GPLD1: variants seen among roughly 807,000 people sequenced by gnomAD.
GPLD1 encodes phosphatidylinositol-glycan-specific phospholipase D.
Under a neutral mutation model 112.6 loss-of-function variants are expected in GPLD1, and 84 were observed. The observed-to-expected ratio is 0.75, with a 90% CI of 0.63 to 0.89. The LOEUF (loss-of-function observed/expected upper bound fraction) is 0.89, where lower values mean the gene tolerates loss of function less well. Ranked by LOEUF, GPLD1 falls within the 40% of genes least tolerant of loss-of-function variation. GPLD1 has a pLI of 0.00. For synonymous variants in GPLD1, 386 were observed against 403.8 expected (o/e 0.96, Z 0.53); for missense variants, 1,044 against 1,051.5 (o/e 0.99, Z 0.10).
At chr6:24,482,181 C>A (rs1185308021) in intron 2 of GPLD1, among the ~76,000 whole-genome samples, 1 of 145,978 alleles carries the variant, frequency 6.9e-6, no homozygotes, top group East Asian at 2.0e-4. Flanking sequence ...CTCACTGTAA[C>A]CTCTGCCTTC....
chr6:24,476,985 A>G (rs183695179), intron 3 of GPLD1, among the ~76,000 whole-genome samples: 1 of 152,212 alleles, frequency 6.6e-6, no homozygotes, highest in Non-Finnish European at 1.5e-5. Flanking sequence ...TGCCGTTCCT[A>G]AAGTAAAAAT....
At position 24,447,957 on chromosome 6, in the gene GPLD1, C is replaced by G; in HGVS notation, c.1598G>C (p.Gly533Ala). ...CCCTCCACCTGGTGCAAAAGGGGAG[C>G]CGATGACCAGATCGGGTTCACTGTC... is the stretch of plus-strand genomic sequence containing the variant. ...NGDSEPDLVI[G>A]SPFAPGGGKQ... The change falls in exon 17 of 25, where the codon GGC becomes GCC. Residue 533 changes from glycine (G) to alanine (A), a missense_variant. Transcript: ENST00000230036. 1.2e-6 allele frequency: 2 copies of G among 1,613,748 alleles called. No individual in the cohort carries two copies. The highest frequency in any genetic ancestry group is 1.7e-6 in the Non-Finnish European group (2 of 1,179,978).
At position 24,426,346 on chromosome 6, in the gene GPLD1, G is replaced by A. The variant is rs12210975; in HGVS notation, c.*2686C>T. Among the ~76,000 whole-genome samples the A allele has an allele frequency of 0.047, 7,083 of 152,234 alleles. 223 individuals carry two copies. Among genetic ancestry groups the A allele is most frequent in the Non-Finnish European group, 0.072 (4,917 of 67,990 alleles). ...ATGTATCAGGATAATATATTAGACT[G>A]TCATGCATTAATTTTTTCCTGTATG... On this transcript the variant is annotated 3_prime_UTR_variant, in exon 25 of 25. Coordinates refer to ENST00000230036, the MANE Select transcript of GPLD1 (RefSeq NM_001503.4).
intron 1 of GPLD1, among the ~76,000 whole-genome samples, chr6:24,486,983 C>T (rs1024171443): frequency 3.3e-5 from 5 of 152,132 alleles, no homozygotes; most frequent in African/African-American, 9.7e-5. Flanking sequence ...CTACCAACTA[C>T]ACCCCACACC....
intron 13 of GPLD1, among the ~76,000 whole-genome samples, chr6:24,455,506 GT>G (rs1363762331): frequency 2.0e-5 from 3 of 152,092 alleles, no homozygotes; most frequent in Non-Finnish European, 4.4e-5. Flanking sequence ...TATACTTGGG[GT>G]TAGTTTTGTA....
chr6:24,437,777 G>A (rs906437424), intron 20 of GPLD1, among the ~76,000 whole-genome samples: 3 of 152,142 alleles, frequency 2.0e-5, no homozygotes, highest in Non-Finnish European at 2.9e-5. Context: ...TGTGCTCTCT[G>A]CCTGGAATAG....
chr6:24,431,660 G>A (rs985466461), intron 24 of GPLD1, among the ~76,000 whole-genome samples: 8 of 151,216 alleles, frequency 5.3e-5, no homozygotes, highest in East Asian at 2.0e-4. Flanking sequence ...TCAGTCTCCC[G>A]AATAGCTGAG....
intron 15 of GPLD1, 62 bp from the exon 16 acceptor site, chr6:24,448,270 A>G (rs1581745302): frequency 9.0e-7 from 1 of 1,105,556 alleles, no homozygotes; most frequent in East Asian, 2.4e-5. Context: ...AACCTTAAAT[A>G]ACAGAAGATA....
At chr6:24,470,114 G>C (rs1581772557) in intron 7 of GPLD1, among the ~76,000 whole-genome samples, 1 of 150,816 alleles carries the variant, frequency 6.6e-6, no homozygotes, top group South Asian at 2.1e-4. Flanking sequence ...GTTAGGTTTG[G>C]AACCTGGACG....
upstream of GPLD1, among the ~76,000 whole-genome samples, chr6:24,492,477 GC>G (rs1419971499): frequency 1.5e-5 from 2 of 130,754 alleles, no homozygotes; most frequent in African/African-American, 6.0e-5. Flanking sequence ...TTGCACTCCA[GC>G]CTGGGCGACA....
At chr6:24,495,121 C>T in exon 1 of GPLD1, 1 of 1,376,116 alleles carries the variant, frequency 7.3e-7, no homozygotes, top group South Asian at 1.7e-5. Context: ...CCCGGCCCGG[C>T]CCAGCTCCGC....
chr6:24,453,634 T>G (rs1464049481), intron 14 of GPLD1, among the ~76,000 whole-genome samples: 1 of 152,076 alleles, frequency 6.6e-6, no homozygotes, highest in East Asian at 1.9e-4. Flanking sequence ...AGAGACTCCA[T>G]CTCAAATAAA....
intron 8 of GPLD1, 64 bp downstream of exon 8, chr6:24,467,102 AT>A: frequency 8.6e-7 from 1 of 1,164,150 alleles, no homozygotes; most frequent in Non-Finnish European, 1.3e-6. Context: ...AAACAAAAAC[AT>A]AAAAACTGTG....
intron 10 of GPLD1, among the ~76,000 whole-genome samples, chr6:24,464,017 A>G (rs1581764123): frequency 6.6e-6 from 1 of 152,194 alleles, no homozygotes; most frequent in Admixed American, 6.5e-5. Flanking sequence ...TTCCTTAGCT[A>G]TTTGGAGAAC....
rs2127321750 is a variant in GPLD1, at chr6:24,439,350, G to A, written c.2021-2061C>T. On this transcript the variant is annotated intron_variant, in intron 20 of 24. Coordinates refer to ENST00000230036, the MANE Select transcript of GPLD1 (RefSeq NM_001503.4). ...GAATAGGGCTGCCCATTGAGACTGT[G>A]TTCTCTAATCCAACTATGTCAGCTC... is the stretch of plus-strand genomic sequence containing the variant. Among the ~76,000 whole-genome samples, 3 of 152,254 alleles carry A rather than the reference G, an allele frequency of 2.0e-5. No individual in the cohort carries two copies. The Middle Eastern group carries it at 0.01, about 518-fold the overall frequency.
intron 20 of GPLD1, among the ~76,000 whole-genome samples, chr6:24,443,605 T>C (rs546513604): frequency 1.1e-4 from 16 of 152,338 alleles, no homozygotes; most frequent in Non-Finnish European, 1.8e-4. Flanking sequence ...ACTTTTTTTT[T>C]GTTATAATGC....
At chr6:24,433,146 T>G in intron 24 of GPLD1, 41 bp downstream of exon 24, 2 of 1,363,196 alleles carry the variant, frequency 1.5e-6, no homozygotes, top group Non-Finnish European at 2.1e-6. Flanking sequence ...CCACCCGTAG[T>G]ACTAACATAA....
In GPLD1 at chr6:24,428,881, TGTTA is replaced by T. The variant is rs574663022; in HGVS notation, c.*147_*150del. The T allele has an allele frequency of 5.9e-4, 306 of 515,534 alleles. 1 individual carries two copies. Among genetic ancestry groups the T allele is most frequent in the African/African-American group, 5.6e-3 (288 of 51,786 alleles). 31.9% of individuals were successfully genotyped at this position (515,534 alleles called of 1,614,324 possible). A position where few individuals can be genotyped will look rare whatever the true frequency, so the allele number is the denominator to read the frequency against. ...GTATCAGATTTCCAGAGGGTGTGGC[TGTTA>T]GTGTGTCTCTCTACTCCCAGGAGCC... On this transcript the variant is annotated 3_prime_UTR_variant, in exon 25 of 25. Transcript: ENST00000230036.
At chr6:24,430,334 G>A (rs793684) in intron 24 of GPLD1, among the ~76,000 whole-genome samples, 92,941 of 152,058 alleles carry the variant, frequency 0.61, 29,005 homozygotes, top group Middle Eastern at 0.68. Context: ...TCCACCAGCA[G>A]AGACTTCTGC....
Sources: allele counts gnomAD v4.1 joint callset (sites outside exome capture counted in the v4.1 genomes callset), GRCh38; gene constraint gnomAD v4.1.1; transcripts MANE v1.5; gene names NCBI Gene and HGNC (gene_info 2026-07-23, HGNC 2026-07-21).